The following CARS1 variants were observed in gnomAD, a reference collection of about 807,000 sequenced individuals.
CARS1 encodes the protein cysteine--tRNA ligase, cytoplasmic.
In CARS1, 48 loss-of-function variants were observed where a neutral mutation model predicts 106.2. The ratio of observed to expected loss-of-function variants is 0.45; its 90% CI spans 0.36 to 0.57. The LOEUF is 0.57. Among genes scored for constraint, CARS1 ranks in the 20% least tolerant of loss-of-function variants. The pLI is 0.00. For synonymous variants in CARS1, 409 were observed against 403.4 expected (o/e 1.01, Z -0.17); for missense variants, 968 against 1,057.2 (o/e 0.92, Z 1.17).
In CARS1 at chr11:3,041,129, T is replaced by A. The variant is rs1854394425; in HGVS notation, c.367-145A>T. On this transcript the variant is annotated intron_variant, in intron 3 of 22. Coordinates refer to ENST00000380525, the MANE Select transcript of CARS1 (RefSeq NM_001014437.3). This position sits in a 1 kb window ranked among gnomAD's most constrained non-coding sequence, Gnocchi z 4.9. ...GACCATTTTGTTTTACTGTGAAAAG[T>A]CACAGTCTCAGTGGGAGCCCAGTGA... 2 of 1,372,852 alleles carry A rather than the reference T, an allele frequency of 1.5e-6. No individual in the cohort carries two copies. The highest frequency in any genetic ancestry group is 1.5e-5 in the African/African-American group (1 of 68,630). 85.0% of individuals were successfully genotyped at this position (1,372,852 alleles called of 1,614,324 possible). A position where few individuals can be genotyped will look rare whatever the true frequency, so the allele number is the denominator to read the frequency against.
chr11:3,005,086 C>T (rs1849725968), intron 20 of CARS1, among the ~76,000 whole-genome samples: 1 of 116,290 alleles, frequency 8.6e-6, no homozygotes, highest in Non-Finnish European at 1.6e-5. Flanking sequence ...CCAGTCTGAG[C>T]AACAGAGTGA....
Position 3,057,391 on chromosome 11 carries a change from C to A in CARS1, c.-24G>T, listed in dbSNP as rs751960554. 7 of 1,607,372 alleles carry A rather than the reference C, an allele frequency of 4.4e-6. No homozygotes were observed. The Admixed American group carries it at 1.2e-4, about 27-fold the overall frequency. The stretch of plus-strand genomic sequence containing the variant: ...ATGGCTGGGAATCCCGGACCCGCAG[C>A]TGCGGCTACAGACACTTCCTAGAAT... On this transcript the variant is annotated 5_prime_UTR_variant, in exon 1 of 23. Transcript: ENST00000380525.
intron 3 of CARS1, 51 bp downstream of exon 3, chr11:3,042,107 GTCCTGCC>G: frequency 7.6e-7 from 1 of 1,320,342 alleles, no homozygotes; most frequent in South Asian, 1.2e-5. Flanking sequence ...CACATGGGCT[GTCCTGCC>G]TCCTGCCTCC....
chr11:3,005,378 TTC>T lies in CARS1; in HGVS notation c.2203_2204del (p.Glu735ArgfsTer6). 10 of 1,612,948 alleles carry T rather than the reference TTC, an allele frequency of 6.2e-6. No homozygotes were observed. Among genetic ancestry groups the T allele is most frequent in the Non-Finnish European group, 7.6e-6 (9 of 1,178,942 alleles). ...TCACTTTACTCACCCGTCTCTTTTC[TTC>T]TCTCTCTTTTAATAAGGTGTTTCTG... is the stretch of plus-strand genomic sequence containing the variant. ...VDRNTLLKER[E>X]EKRRVEEEKR... On this transcript the variant is annotated frameshift_variant, in exon 20 of 23. Coordinates refer to ENST00000380525, the MANE Select transcript of CARS1 (RefSeq NM_001014437.3). LOFTEE classifies it high-confidence loss of function.
At chr11:3,033,448 A>G (rs942369659) in intron 7 of CARS1, among the ~76,000 whole-genome samples, 11 of 152,224 alleles carry the variant, frequency 7.2e-5, no homozygotes, top group African/African-American at 2.2e-4. Context: ...TTAAATTTGG[A>G]AATTTAAAAC....
intron 1 of CARS1, among the ~76,000 whole-genome samples, chr11:3,054,166 T>G (rs997062210): frequency 6.6e-6 from 1 of 151,978 alleles, no homozygotes; most frequent in African/African-American, 2.4e-5. Flanking sequence ...GGGCTTCCCC[T>G]CCCACTCCCC....
At chr11:3,031,087 T>C (rs1227478625) in intron 7 of CARS1, 2 of 152,226 alleles carry the variant, frequency 1.3e-5, no homozygotes, top group African/African-American at 2.4e-5. Flanking sequence ...AAGGTGATAC[T>C]TGAAGACACA....
Position 3,015,799 on chromosome 11 carries a change from C to A in CARS1, c.1968G>T (p.Gly656=). The part of the protein sequence containing the change: ...EDSSLGFPVG[G]PGTSLSLEAT... ...TACTCACACTGAGGCTGGTTCCAGG[C>A]CCTCCGACCGGGAATCCCAGGGAGC... Residue 656 remains glycine, a synonymous_variant, in exon 17 of 23, where the codon GGG becomes GGT. Coordinates refer to ENST00000380525, the MANE Select transcript of CARS1 (RefSeq NM_001014437.3). 2 of 1,614,154 alleles carry A rather than the reference C, an allele frequency of 1.2e-6. No homozygotes were observed. Among genetic ancestry groups the A allele is most frequent in the East Asian group, 2.2e-5 (1 of 44,880 alleles).
chr11:3,010,103 C>T (rs939002735), intron 18 of CARS1, among the ~76,000 whole-genome samples: 1 of 152,238 alleles, frequency 6.6e-6, no homozygotes, highest in African/African-American at 2.4e-5. Context: ...AAGTGAAAAG[C>T]AAACAGAAAG....
chr11:3,047,649 CT>C, intron 2 of CARS1, 103 bp downstream of exon 2: 8 of 1,463,802 alleles, frequency 5.5e-6, no homozygotes, highest in Non-Finnish European at 7.4e-6. Context: ...GCGAGGCTCC[CT>C]CTGGGGTATC....
At position 3,037,086 on chromosome 11, in the gene CARS1, T is replaced by G. The variant is rs1287868077; in HGVS notation, c.801+964A>C. ...ATTGTTGGTAAGAAGGAAACCTAAC[T>G]GCCCGTCCCAGGAGAACAGACAAAC... On this transcript the variant is annotated intron_variant, in intron 7 of 22. Transcript: ENST00000380525. This position sits in a 1 kb window ranked among gnomAD's most constrained non-coding sequence, Gnocchi z 5.9. Among the ~76,000 whole-genome samples, 1 of 151,796 alleles carries G rather than the reference T, an allele frequency of 6.6e-6. No individual in the cohort carries two copies. Among genetic ancestry groups the G allele is most frequent in the East Asian group, 1.9e-4 (1 of 5,186 alleles).
At chr11:3,006,006 T>C (rs1293866191) in intron 19 of CARS1, among the ~76,000 whole-genome samples, 1 of 151,706 alleles carries the variant, frequency 6.6e-6, no homozygotes, top group Non-Finnish European at 1.5e-5. Flanking sequence ...AGGGGCAGAG[T>C]GGAAGAGTGG....
intron 1 of CARS1, among the ~76,000 whole-genome samples, chr11:3,054,652 G>T (rs1011007315): frequency 1.3e-5 from 2 of 152,080 alleles, no homozygotes; most frequent in African/African-American, 4.8e-5. Flanking sequence ...CTGGCTAGTC[G>T]TGATGGTGGA....
intron 2 of CARS1, among the ~76,000 whole-genome samples, chr11:3,042,807 G>A (rs748481221): frequency 9.2e-5 from 14 of 152,204 alleles, no homozygotes; most frequent in Admixed American, 3.3e-4. Context: ...GACTCTTGTT[G>A]GGACAGAGGC....
At chr11:3,026,952 T>G in intron 9 of CARS1, 155 bp from the exon 10 acceptor site, 1 of 809,112 alleles carries the variant, frequency 1.2e-6, no homozygotes, top group South Asian at 1.9e-5. Flanking sequence ...ATCAGCTGTT[T>G]GGACTGAGTG....
In CARS1 at chr11:3,015,838, G is replaced by C; in HGVS notation, c.1929C>G (p.Ala643=). 1.2e-6 allele frequency: 2 copies of C among 1,614,058 alleles called. No individual in the cohort carries two copies. Among genetic ancestry groups the C allele is most frequent in the Non-Finnish European group, 8.5e-7 (1 of 1,179,954 alleles). Residue 643 remains alanine, a synonymous_variant, in exon 17 of 23, where the codon GCC becomes GCG. Transcript: ENST00000380525. ...ATCCCAGGGAGCTGTCCTCTTCTAC[G>C]GCCCCAAAGATCTAGGAAAAGAAAC... ...YLTHMLKIFG[A]VEEDSSLGFP... is the part of the protein sequence containing the mutation.
rs945843211 is a variant in CARS1, at chr11:3,022,826, T to C, written c.1154-2494A>G. 2.6e-5 allele frequency among the ~76,000 whole-genome samples: 4 copies of C among 152,060 alleles called. No individual in the cohort carries two copies. Among genetic ancestry groups the C allele is most frequent in the African/African-American group, 9.7e-5 (4 of 41,408 alleles). ...AGGAGCTGTCATCATCTAGGACCAC[T>C]TGGGCCCCAGCATCACCCCTCCCCT... On this transcript the variant is annotated intron_variant, in intron 10 of 22. Transcript: ENST00000380525. This position sits in a 1 kb window ranked among gnomAD's most constrained non-coding sequence, Gnocchi z 4.9.
chr11:3,048,527 G>C lies in CARS1; in HGVS notation c.26-526C>G, dbSNP rs1311692282. On this transcript the variant is annotated intron_variant, in intron 1 of 22. Transcript: ENST00000380525. This position sits in a 1 kb window ranked among gnomAD's most constrained non-coding sequence, Gnocchi z 5.1. ...CCCTCCTGTCAGCTAAGTATGTTAC[G>C]AGAATTTAACCTCAATTTTTAAAAA... is the stretch of plus-strand genomic sequence containing the variant. The C allele has an allele frequency of 6.6e-6, 1 of 152,370 alleles. No homozygotes were observed. The highest frequency in any genetic ancestry group is 2.4e-5 in the African/African-American group (1 of 41,540). 9.4% of individuals were successfully genotyped at this position (152,370 alleles called of 1,614,324 possible). A position where few individuals can be genotyped will look rare whatever the true frequency, so the allele number is the denominator to read the frequency against.
Position 3,056,993 on chromosome 11 carries a change from G to A in CARS1, c.25+350C>T, listed in dbSNP as rs571664789. On this transcript the variant is annotated intron_variant, in intron 1 of 22. Coordinates refer to ENST00000380525, the MANE Select transcript of CARS1 (RefSeq NM_001014437.3). ...AGACCCTCACGCAGGAGTCCCAGGG[G>A]TCCCAGTGGCCGTCCCTCGGAGCCG... Among the ~76,000 whole-genome samples, 4 of 152,278 alleles carry A rather than the reference G, an allele frequency of 2.6e-5. No homozygotes were observed. The South Asian group carries it at 8.3e-4, about 32-fold the overall frequency.
Sources: gnomAD v4.1 joint callset for allele counts (sites outside exome capture counted in the v4.1 genomes callset) on GRCh38, gnomAD v4.1.1 for gene constraint, Gnocchi (gnomAD v3.1) non-coding constraint, MANE v1.5 for transcripts, NCBI Gene and HGNC (gene_info 2026-07-23, HGNC 2026-07-21) for gene names.